Variants in TRAPPC12 observed in about 807,000 individuals in gnomAD.
TRAPPC12 encodes trafficking protein particle complex subunit 12, also known as TPR repeat protein 15.
Under a neutral mutation model 69.2 loss-of-function variants are expected in TRAPPC12, and 61 were observed. That is an observed-to-expected ratio of 0.88 (90% CI 0.72 to 1.09). The LOEUF is 1.09. TRAPPC12 is among the 50% of genes least tolerant of loss of function. The pLI, the probability that TRAPPC12 is intolerant of heterozygous loss-of-function variation, is 0.00. For synonymous variants in TRAPPC12, 469 were observed against 438.9 expected (o/e 1.07, Z -0.86); for missense variants, 1,101 against 1,016.4 (o/e 1.08, Z -1.13).
At chr2:3,385,178 A>G (rs1660437026) in intron 1 of TRAPPC12, among the ~76,000 whole-genome samples, 1 of 152,148 alleles carries the variant, frequency 6.6e-6, no homozygotes, top group Non-Finnish European at 1.5e-5. Flanking sequence ...TTATTTGAGC[A>G]TTCCTCTTGA....
intron 3 of TRAPPC12, among the ~76,000 whole-genome samples, chr2:3,406,690 G>C (rs934985892): frequency 6.6e-6 from 1 of 152,200 alleles, no homozygotes; most frequent in Non-Finnish European, 1.5e-5. Flanking sequence ...GTGTGGGCGT[G>C]GCCCCTTGGT....
chr2:3,444,607 C>T (rs1022115124), intron 6 of TRAPPC12, among the ~76,000 whole-genome samples: 2 of 152,220 alleles, frequency 1.3e-5, no homozygotes, highest in African/African-American at 4.8e-5. Flanking sequence ...TTGAAAACTA[C>T]AACAACAAGC....
chr2:3,429,154 G>T (rs889464250), intron 5 of TRAPPC12, among the ~76,000 whole-genome samples: 1 of 152,224 alleles, frequency 6.6e-6, no homozygotes, highest in Non-Finnish European at 1.5e-5. Context: ...CTGGCTGGGG[G>T]TTGTGAGCAG....
At chr2:3,422,555 T>A (rs1219521968) in intron 4 of TRAPPC12, among the ~76,000 whole-genome samples, 2 of 152,224 alleles carry the variant, frequency 1.3e-5, no homozygotes, top group Non-Finnish European at 2.9e-5. Context: ...TAACTGTTCT[T>A]CTAGCTTACA....
In TRAPPC12 at chr2:3,458,159, AG is replaced by A. The variant is rs1665282728; in HGVS notation, c.1603+467del. Reference sequence around the variant, plus strand: ...CTGGGGCAGGCTGAGGGACCTGGGCAGTTCCCTGGAGCATTGGAAACCCCTT... The same window carrying A: ...CTGGGGCAGGCTGAGGGACCTGGGCATTCCCTGGAGCATTGGAAACCCCTT... On this transcript the variant is annotated intron_variant, in intron 7 of 11. Coordinates refer to ENST00000324266, the MANE Select transcript of TRAPPC12 (RefSeq NM_016030.6). 3 of 1,009,092 alleles carry A rather than the reference AG, an allele frequency of 3.0e-6. No homozygotes were observed. The African/African-American group carries it at 5.2e-5, about 17-fold the overall frequency. 62.5% of individuals were successfully genotyped at this position (1,009,092 alleles called of 1,614,324 possible). A position where few individuals can be genotyped will look rare whatever the true frequency, so the allele number is the denominator to read the frequency against.
intron 3 of TRAPPC12, among the ~76,000 whole-genome samples, chr2:3,407,644 T>C (rs1233366137): frequency 6.6e-6 from 1 of 151,510 alleles, no homozygotes; most frequent in Non-Finnish European, 1.5e-5. Flanking sequence ...CTACTAAAAA[T>C]ACAAAAAATT....
At chr2:3,403,041 G>A (rs1661535423) in intron 3 of TRAPPC12, among the ~76,000 whole-genome samples, 1 of 152,146 alleles carries the variant, frequency 6.6e-6, no homozygotes, top group Admixed American at 6.5e-5. Context: ...CCCTTATCCT[G>A]ACTGTATTTC....
chr2:3,419,967 A>G (rs1662683349), intron 3 of TRAPPC12, among the ~76,000 whole-genome samples: 1 of 152,206 alleles, frequency 6.6e-6, no homozygotes, highest in South Asian at 2.1e-4. Flanking sequence ...TACAACACTA[A>G]ACATACTCTT....
Position 3,387,872 on chromosome 2 carries a change from C to T in TRAPPC12, c.249C>T (p.Gly83=), listed in dbSNP as rs375244525. The T allele has an allele frequency of 3.2e-5, 50 of 1,586,960 alleles. No individual in the cohort carries two copies. The highest frequency in any genetic ancestry group is 4.0e-5 in the Non-Finnish European group (46 of 1,163,362). ...CCCCCAACAGCGAGGGCGACGCGGG[C>T]GACCTGGGCCGAGTGCGGGACGAAG... ...SDSPNSEGDA[G]DLGRVRDEAE... Residue 83 remains glycine, a synonymous_variant, in exon 2 of 12, where the codon GGC becomes GGT. Transcript: ENST00000324266.
chr2:3,421,742 C>T (rs1392191374), intron 3 of TRAPPC12, 139 bp from the exon 4 acceptor site: 2 of 779,232 alleles, frequency 2.6e-6, no homozygotes, highest in Non-Finnish European at 2.3e-6. Context: ...AGCACACTGA[C>T]GTTGTCACCA....
intron 3 of TRAPPC12, among the ~76,000 whole-genome samples, chr2:3,403,878 G>C (rs1188178079): frequency 2.0e-5 from 3 of 152,208 alleles, no homozygotes; most frequent in Non-Finnish European, 4.4e-5. Context: ...CATTCTGCCA[G>C]AAATGACTGA....
chr2:3,387,718 A>T lies in TRAPPC12; in HGVS notation c.95A>T (p.Gln32Leu), dbSNP rs1403171679. 1.1e-5 allele frequency: 17 copies of T among 1,600,466 alleles called. No individual in the cohort carries two copies. Among genetic ancestry groups the T allele is most frequent in the Non-Finnish European group, 1.4e-5 (17 of 1,173,762 alleles). Reference protein sequence around the residue: ...APPEEQGLLFQEETIDLGGDE... With the variant: ...APPEEQGLLFLEETIDLGGDE... ...CCGGAGGAGCAGGGGTTGCTCTTCC[A>T]GGAGGAAACCATCGATCTTGGCGGA... The change falls in exon 2 of 12, where the codon CAG (glutamine) becomes CTG (leucine). Residue 32 changes from glutamine to leucine, a missense_variant. Physicochemically the swap from Gln to Leu is moderately radical, Grantham distance 113 (BLOSUM62 -2). Transcript: ENST00000324266.
At chr2:3,426,793 C>T (rs11689504) in intron 5 of TRAPPC12, among the ~76,000 whole-genome samples, 2,029 of 152,352 alleles carry the variant, frequency 0.013, 42 homozygotes, top group African/African-American at 0.047. Context: ...GTCTCGTCTA[C>T]GTCCCTCCCA....
chr2:3,389,515 A>G (rs552670800), intron 2 of TRAPPC12, among the ~76,000 whole-genome samples: 49 of 152,334 alleles, frequency 3.2e-4, no homozygotes, highest in African/African-American at 1.2e-3. Flanking sequence ...CCGAAGAGCA[A>G]CAACCGCGAC....
At chr2:3,423,824 T>C (rs931563962) in intron 4 of TRAPPC12, among the ~76,000 whole-genome samples, 3 of 152,200 alleles carry the variant, frequency 2.0e-5, no homozygotes, top group African/African-American at 7.2e-5. Flanking sequence ...TAATCCTAAG[T>C]CTCTGGCTCT....
intron 5 of TRAPPC12, among the ~76,000 whole-genome samples, chr2:3,439,076 A>T (rs1381582399): frequency 6.6e-6 from 1 of 152,170 alleles, no homozygotes; most frequent in Non-Finnish European, 1.5e-5. Context: ...AATCAATGAG[A>T]GTTCCTATTG....
At chr2:3,463,210 G>A (rs1182344950) in intron 8 of TRAPPC12, 5 of 292,100 alleles carry the variant, frequency 1.7e-5, no homozygotes, top group South Asian at 5.4e-5. Context: ...TTAAGTAACC[G>A]TCAACCTAAG....
chr2:3,462,678 T>A (rs183730185), intron 8 of TRAPPC12, among the ~76,000 whole-genome samples: 1 of 152,276 alleles, frequency 6.6e-6, no homozygotes, highest in East Asian at 1.9e-4. Context: ...TTATAAAGCA[T>A]TGAAAATGTC....
At chr2:3,396,544 T>C (rs1301372669) in intron 2 of TRAPPC12, among the ~76,000 whole-genome samples, 2 of 152,158 alleles carry the variant, frequency 1.3e-5, no homozygotes, top group African/African-American at 4.8e-5. Context: ...TTTTCTGTGT[T>C]TTTTCTCTCT....
Sources: gnomAD v4.1 joint callset for allele counts (sites outside exome capture counted in the v4.1 genomes callset) on GRCh38, gnomAD v4.1.1 for gene constraint, MANE v1.5 for transcripts, NCBI Gene and HGNC (gene_info 2026-07-23, HGNC 2026-07-21) for gene names.